Variants in SHCBP1L observed in about 807,000 individuals in gnomAD.
SHCBP1L encodes SHC binding and spindle associated 1 like, also known as testicular spindle-associated protein SHCBP1L.
In SHCBP1L, 67 loss-of-function variants were observed where a neutral mutation model predicts 62.5. The observed-to-expected ratio is 1.07, with a 90% CI of 0.88 to 1.31. SHCBP1L has a LOEUF of 1.31. Ranked by LOEUF, SHCBP1L falls within the 40% of genes most tolerant of loss-of-function variation. The pLI is 0.00. For missense variants in SHCBP1L, 823 were observed against 809.8 expected, an observed-to-expected ratio of 1.02 and a Z score of -0.20; for synonymous variants, 284 against 289.4, an observed-to-expected ratio of 0.98 and a Z score of 0.19.
intron 2 of SHCBP1L, among the ~76,000 whole-genome samples, chr1:182,945,285 C>T (rs560229487): frequency 4.8e-4 from 73 of 152,168 alleles, no homozygotes; most frequent in African/African-American, 1.7e-3. Context: ...TTCTACGTGG[C>T]TTTCATTAAT....
At chr1:182,924,487 C>T (rs190038870) in intron 6 of SHCBP1L, among the ~76,000 whole-genome samples, 8 of 151,142 alleles carry the variant, frequency 5.3e-5, no homozygotes, top group East Asian at 2.0e-4. Context: ...TTAGTAGAGA[C>T]GGGTTTCACC....
intron 5 of SHCBP1L, among the ~76,000 whole-genome samples, chr1:182,934,059 A>C (rs544476083): frequency 6.6e-6 from 1 of 152,014 alleles, no homozygotes; most frequent in Non-Finnish European, 1.5e-5. Flanking sequence ...CATTTTTGGT[A>C]GATTGTGTCT....
intron 1 of SHCBP1L, among the ~76,000 whole-genome samples, chr1:182,952,275 T>C (rs1202531347): frequency 3.0e-4 from 38 of 127,106 alleles, no homozygotes; most frequent in South Asian, 5.4e-4. Context: ...TATATATATA[T>C]ACACACACAT....
At chr1:182,933,518 T>C (rs182114600) in intron 5 of SHCBP1L, among the ~76,000 whole-genome samples, 1 of 152,302 alleles carries the variant, frequency 6.6e-6, no homozygotes, top group East Asian at 1.9e-4. Flanking sequence ...TGCCTTCTAT[T>C]CCAAGTTTTT....
intron 2 of SHCBP1L, chr1:182,942,407 G>A (rs1651398549): frequency 1.4e-6 from 1 of 715,020 alleles, no homozygotes; most frequent in Non-Finnish European, 2.6e-6. Context: ...GGGTATCCTG[G>A]CGGCAGGCAG....
chr1:182,940,225 A>G, intron 3 of SHCBP1L, 104 bp downstream of exon 3: 1 of 905,302 alleles, frequency 1.1e-6, no homozygotes, highest in Non-Finnish European at 1.7e-6. Flanking sequence ...GTAGTGAGTG[A>G]AAATTAAATC....
At chr1:182,907,623 C>T (rs925842467) in intron 6 of SHCBP1L, among the ~76,000 whole-genome samples, 3 of 151,500 alleles carry the variant, frequency 2.0e-5, no homozygotes, top group Non-Finnish European at 2.9e-5. Flanking sequence ...CTTGCTCTGT[C>T]GCCCAGGCTG....
chr1:182,900,525 C>T (rs541141100), intron 9 of SHCBP1L, among the ~76,000 whole-genome samples: 14 of 152,218 alleles, frequency 9.2e-5, no homozygotes, highest in South Asian at 8.3e-4. Flanking sequence ...CTCCGCCTCC[C>T]GGTTCAAGTG....
At chr1:182,934,043 T>C (rs1389343052) in intron 5 of SHCBP1L, among the ~76,000 whole-genome samples, 4 of 152,182 alleles carry the variant, frequency 2.6e-5, no homozygotes, top group Admixed American at 1.3e-4. Context: ...ATGTTTCTGC[T>C]TGAATCATTT....
intron 2 of SHCBP1L, 52 bp downstream of exon 2, chr1:182,951,266 T>G: frequency 7.6e-7 from 1 of 1,324,048 alleles, no homozygotes; most frequent in Non-Finnish European, 1.0e-6. Flanking sequence ...CATATTTTAG[T>G]CTTTAAAAGA....
intron 5 of SHCBP1L, among the ~76,000 whole-genome samples, chr1:182,937,919 A>G (rs1474579517): frequency 6.6e-6 from 1 of 152,140 alleles, no homozygotes; most frequent in Admixed American, 6.6e-5. Context: ...GCCTTTTAGC[A>G]TGCCTTATAA....
chr1:182,929,220 C>T (rs1336581280), intron 6 of SHCBP1L, among the ~76,000 whole-genome samples: 1 of 152,162 alleles, frequency 6.6e-6, no homozygotes, highest in Non-Finnish European at 1.5e-5. Context: ...CTAATTCTGT[C>T]TTATGTACCC....
intron 6 of SHCBP1L, among the ~76,000 whole-genome samples, chr1:182,924,709 A>AAAGGAAAGGAAAGGAAAGGAAGGG (rs1557996596): frequency 6.9e-5 from 3 of 43,370 alleles, no homozygotes; most frequent in African/African-American, 1.6e-4. Flanking sequence ...AGGAAGAAAG[A>AAAGGAAAGGAAAGGAAAGGAAGGG]AAGAAAGAAA....
chr1:182,947,632 TCTC>T (rs1375137278), intron 2 of SHCBP1L, among the ~76,000 whole-genome samples: 1 of 152,150 alleles, frequency 6.6e-6, no homozygotes, highest in Non-Finnish European at 1.5e-5. Context: ...TCTTCCTCCT[TCTC>T]CTCAGCCTAT....
chr1:182,916,930 A>G (rs1016145419), intron 6 of SHCBP1L, among the ~76,000 whole-genome samples: 2 of 152,186 alleles, frequency 1.3e-5, no homozygotes, highest in Non-Finnish European at 2.9e-5. Flanking sequence ...AGAAAAGATA[A>G]CTATTGGGTA....
intron 1 of SHCBP1L, among the ~76,000 whole-genome samples, 182 bp from the exon 2 acceptor site, chr1:182,951,649 C>A (rs1260892194): frequency 6.6e-6 from 1 of 151,234 alleles, no homozygotes; most frequent in Non-Finnish European, 1.5e-5. Context: ...ACATCACCAA[C>A]AAAAAATTAA....
intron 6 of SHCBP1L, among the ~76,000 whole-genome samples, chr1:182,917,579 G>A (rs1338439356): frequency 6.6e-6 from 1 of 152,090 alleles, no homozygotes; most frequent in Non-Finnish European, 1.5e-5. Context: ...GAGGATGGAA[G>A]CCCAAGATCA....
chr1:182,921,660 C>T (rs1650533284), intron 6 of SHCBP1L, among the ~76,000 whole-genome samples: 2 of 152,214 alleles, frequency 1.3e-5, no homozygotes, highest in African/African-American at 4.8e-5. Context: ...AATCCCAGCA[C>T]TTTGAGAGGC....
At chr1:182,938,178 G>A (rs1651241597) in intron 5 of SHCBP1L, among the ~76,000 whole-genome samples, 1 of 152,046 alleles carries the variant, frequency 6.6e-6, no homozygotes, top group African/African-American at 2.4e-5. Context: ...CGTGATCTCG[G>A]CTCACCGCAA....
Sources: allele counts gnomAD v4.1 joint callset (sites outside exome capture counted in the v4.1 genomes callset), GRCh38; gene constraint gnomAD v4.1.1; transcripts MANE v1.5; gene names NCBI Gene and HGNC (gene_info 2026-07-23, HGNC 2026-07-21).